FOXK1: variants seen among roughly 807,000 people sequenced by gnomAD.
FOXK1 encodes forkhead box K1, also known as forkhead box protein K1.
Under a neutral mutation model 51.9 loss-of-function variants are expected in FOXK1, and 19 were observed. The ratio of observed to expected loss-of-function variants is 0.37; its 90% CI spans 0.26 to 0.54. The LOEUF is 0.54. FOXK1 is among the 20% of genes least tolerant of loss of function. FOXK1 has a pLI of 0.87. For synonymous variants in FOXK1, 537 were observed against 482.6 expected (o/e 1.11, Z -1.48); for missense variants, 870 against 1,032.7 (o/e 0.84, Z 2.16).
Position 4,715,620 on chromosome 7 carries a change from C to G in FOXK1, c.561-25218C>G, listed in dbSNP as rs1357614887. 6.6e-6 allele frequency among the ~76,000 whole-genome samples: 1 copy of G among 152,206 alleles called. No homozygotes were observed. The highest frequency in any genetic ancestry group is 1.5e-5 in the Non-Finnish European group (1 of 68,048). Reference sequence around the variant, plus strand: ...TGCTCTGGTGTTGTGAAATACGGAACTTGGCGAGTTCTTGCGGCCATCCCT... The same window carrying G: ...TGCTCTGGTGTTGTGAAATACGGAAGTTGGCGAGTTCTTGCGGCCATCCCT... On this transcript the variant is annotated intron_variant, in intron 1 of 8. Transcript: ENST00000328914. The surrounding 1 kb of genome is among the most constrained non-coding windows in gnomAD (Gnocchi z 4.5).
At position 4,748,219 on chromosome 7, in the gene FOXK1, G is replaced by A. The variant is rs1780730826; in HGVS notation, c.747-6240G>A. Among the ~76,000 whole-genome samples the A allele has an allele frequency of 6.6e-6, 1 of 152,128 alleles. No homozygotes were observed. Among genetic ancestry groups the A allele is most frequent in the Non-Finnish European group, 1.5e-5 (1 of 68,030 alleles). Reference sequence around the variant, plus strand: ...CCCCCACACAACGCTCCCCAGAGCTGAGCCCTTCTCTCTCACTTCTGTGTC... The same window carrying A: ...CCCCCACACAACGCTCCCCAGAGCTAAGCCCTTCTCTCTCACTTCTGTGTC... On this transcript the variant is annotated intron_variant, in intron 2 of 8. Coordinates refer to ENST00000328914, the MANE Select transcript of FOXK1 (RefSeq NM_001037165.2). This position sits in a 1 kb window ranked among gnomAD's most constrained non-coding sequence, Gnocchi z 4.9.
chr7:4,719,863 G>A (rs1346938655), intron 1 of FOXK1, among the ~76,000 whole-genome samples: 1 of 152,220 alleles, frequency 6.6e-6, no homozygotes, highest in Non-Finnish European at 1.5e-5. Flanking sequence ...TTTTGTCCTC[G>A]TTCTAATTGA....
chr7:4,746,074 A>G (rs1414296759), intron 2 of FOXK1, among the ~76,000 whole-genome samples: 1 of 152,206 alleles, frequency 6.6e-6, no homozygotes, highest in African/African-American at 2.4e-5. Context: ...CATGAGGGCA[A>G]GACTTCAAGA....
In FOXK1 at chr7:4,682,815, C is replaced by A; in HGVS notation, c.507C>A (p.Phe169Leu). The A allele has an allele frequency of 1.3e-6, 2 of 1,583,250 alleles. No homozygotes were observed. The highest frequency in any genetic ancestry group is 1.7e-6 in the Non-Finnish European group (2 of 1,171,968). ...GCTGCCTCGGCAAGAACGGCGTCTT[C>A]GTGGACGGGGCCTTCCAGAGACGCG... ...YLRCLGKNGV[F>L]VDGAFQRRGA... Residue 169 changes from phenylalanine to leucine, a missense_variant, in exon 1 of 9, where the codon TTC (phenylalanine) becomes TTA (leucine). Coordinates refer to ENST00000328914, the MANE Select transcript of FOXK1 (RefSeq NM_001037165.2). The surrounding 1 kb of genome is among the most constrained non-coding windows in gnomAD (Gnocchi z 7.6).
At chr7:4,686,937 C>CTT (rs751835527) in intron 1 of FOXK1, among the ~76,000 whole-genome samples, 1 of 117,208 alleles carries the variant, frequency 8.5e-6, no homozygotes, top group Non-Finnish European at 1.7e-5. Flanking sequence ...TTTTTCTTTT[C>CTT]TTTTTTTTTT....
In FOXK1 at chr7:4,730,521, C is replaced by T. The variant is rs1471066456; in HGVS notation, c.561-10317C>T. ...GCACCAGTGCTGGTTCCGTGTCTGTCGGGGAGGGGATGGACGTTTGTGTTG... is the reference window on the plus strand; with the variant it reads ...GCACCAGTGCTGGTTCCGTGTCTGTTGGGGAGGGGATGGACGTTTGTGTTG... On this transcript the variant is annotated intron_variant, in intron 1 of 8. Transcript: ENST00000328914. The surrounding 1 kb of genome is among the most constrained non-coding windows in gnomAD (Gnocchi z 4.7). 6.6e-6 allele frequency among the ~76,000 whole-genome samples: 1 copy of T among 152,168 alleles called. No individual in the cohort carries two copies. The highest frequency in any genetic ancestry group is 1.5e-5 in the Non-Finnish European group (1 of 68,026).
At chr7:4,700,559 C>T (rs1474923896) in intron 1 of FOXK1, among the ~76,000 whole-genome samples, 2 of 152,040 alleles carry the variant, frequency 1.3e-5, no homozygotes, top group East Asian at 1.9e-4. Flanking sequence ...ACCTGTAGTC[C>T]CCTCCCAGCA....
Position 4,723,019 on chromosome 7 carries a change from C to G in FOXK1, c.561-17819C>G, listed in dbSNP as rs1780334584. Among the ~76,000 whole-genome samples the G allele has an allele frequency of 2.6e-5, 4 of 152,078 alleles. No homozygotes were observed. The highest frequency in any genetic ancestry group is 4.4e-5 in the Non-Finnish European group (3 of 68,026). ...TCTGAGATCCAGACAAGAGGCAGCGCTGGGTTCAGATCACCACACAACCTG... is the reference window on the plus strand; with the variant it reads ...TCTGAGATCCAGACAAGAGGCAGCGGTGGGTTCAGATCACCACACAACCTG... On this transcript the variant is annotated intron_variant, in intron 1 of 8. Coordinates refer to ENST00000328914, the MANE Select transcript of FOXK1 (RefSeq NM_001037165.2). The surrounding 1 kb of genome is among the most constrained non-coding windows in gnomAD (Gnocchi z 4.7).
Position 4,743,593 on chromosome 7 carries a change from A to G in FOXK1, c.746+2570A>G, listed in dbSNP as rs10228886. On this transcript the variant is annotated intron_variant, in intron 2 of 8. Coordinates refer to ENST00000328914, the MANE Select transcript of FOXK1 (RefSeq NM_001037165.2). The surrounding 1 kb of genome is among the most constrained non-coding windows in gnomAD (Gnocchi z 5.3). Reference sequence around the variant, plus strand: ...GTGAATTTTATGTTATGGGAATTGCATCTGAAGAAAGCAGTTGAGCGCAGT... The same window carrying G: ...GTGAATTTTATGTTATGGGAATTGCGTCTGAAGAAAGCAGTTGAGCGCAGT... Among the ~76,000 whole-genome samples the G allele has an allele frequency of 0.47, 71,825 of 152,148 alleles. 17,877 individuals carry two copies. The highest frequency in any genetic ancestry group is 0.85 in the East Asian group (4,386 of 5,162).
chr7:4,757,204 G>C lies in FOXK1; in HGVS notation c.1244+17G>C. 2.5e-6 allele frequency: 4 copies of C among 1,575,442 alleles called. 1 individual carries two copies. In the South Asian group the frequency reaches 4.6e-5, roughly 18 times the overall value. On this transcript the variant is annotated intron_variant, in intron 5 of 8. Coordinates refer to ENST00000328914, the MANE Select transcript of FOXK1 (RefSeq NM_001037165.2). ...GTCCTCAAGGTAAAGTTCTCTGAGC[G>C]CCCGTCCTCCAGCTGTTAGGAAAGC... is the stretch of plus-strand genomic sequence containing the variant.
chr7:4,710,852 C>G (rs761636198), intron 1 of FOXK1, among the ~76,000 whole-genome samples: 2 of 152,140 alleles, frequency 1.3e-5, no homozygotes, highest in African/African-American at 2.4e-5. Flanking sequence ...ACAGCCATTC[C>G]ACGTCGTGGA....
chr7:4,686,927 TTTTTC>T (rs1249336452), intron 1 of FOXK1, among the ~76,000 whole-genome samples: 5 of 148,276 alleles, frequency 3.4e-5, no homozygotes, highest in Non-Finnish European at 5.9e-5. Flanking sequence ...CACTTAATTT[TTTTTC>T]TTTTCTTTTT....
chr7:4,754,729 T>G, intron 3 of FOXK1, 114 bp downstream of exon 3: 1 of 1,325,322 alleles, frequency 7.5e-7, no homozygotes, highest in Non-Finnish European at 1.0e-6. Flanking sequence ...CGAGGTGGTC[T>G]CAGCCCACAG....
chr7:4,706,388 C>A (rs1226481895), intron 1 of FOXK1, among the ~76,000 whole-genome samples: 1 of 152,204 alleles, frequency 6.6e-6, no homozygotes, highest in African/African-American at 2.4e-5. Context: ...ATCTGTGACA[C>A]TCCTTCCCTC....
intron 1 of FOXK1, among the ~76,000 whole-genome samples, chr7:4,692,512 C>T (rs1233294773): frequency 6.6e-6 from 1 of 152,220 alleles, no homozygotes; most frequent in Non-Finnish European, 1.5e-5. Context: ...TCTCCTGCCT[C>T]AGCCTCCCGA....
intron 1 of FOXK1, among the ~76,000 whole-genome samples, chr7:4,706,005 TATATATAC>T (rs1326830960): frequency 7.7e-5 from 8 of 104,190 alleles, no homozygotes; most frequent in South Asian, 2.3e-4. Context: ...TATATATACG[TATATATAC>T]GTATATATAC....
At position 4,749,840 on chromosome 7, in the gene FOXK1, T is replaced by A. The variant is rs1780752032; in HGVS notation, c.747-4619T>A. 6.6e-6 allele frequency among the ~76,000 whole-genome samples: 1 copy of A among 152,176 alleles called. No homozygotes were observed. The highest frequency in any genetic ancestry group is 1.5e-5 in the Non-Finnish European group (1 of 68,024). On this transcript the variant is annotated intron_variant, in intron 2 of 8. Coordinates refer to ENST00000328914, the MANE Select transcript of FOXK1 (RefSeq NM_001037165.2). This position sits in a 1 kb window ranked among gnomAD's most constrained non-coding sequence, Gnocchi z 6.0. ...GCTCCAGAGGTGGCTTTAGGTCTGT[T>A]GTTGGATTTGCCTTTCTCAGCGTGA...
chr7:4,721,917 G>A (rs558892846), intron 1 of FOXK1, among the ~76,000 whole-genome samples: 1 of 152,150 alleles, frequency 6.6e-6, no homozygotes, highest in African/African-American at 2.4e-5. Context: ...TTTGAGTTTT[G>A]TTTTTCCAAA....
chr7:4,732,583 C>T (rs1176693563), intron 1 of FOXK1, among the ~76,000 whole-genome samples: 4 of 152,154 alleles, frequency 2.6e-5, no homozygotes, highest in South Asian at 4.1e-4. Context: ...CGTGAACCAC[C>T]GTGGGATTAC....
Sources: gnomAD v4.1 joint callset for allele counts (sites outside exome capture counted in the v4.1 genomes callset) on GRCh38, gnomAD v4.1.1 for gene constraint, Gnocchi (gnomAD v3.1) non-coding constraint, MANE v1.5 for transcripts, NCBI Gene and HGNC (gene_info 2026-07-23, HGNC 2026-07-21) for gene names.